Variants in SLC35D1 observed in about 807,000 individuals in gnomAD.
SLC35D1 encodes the protein nucleotide sugar transporter SLC35D1.
A neutral mutation model predicts 46.7 loss-of-function variants in SLC35D1; 31 were observed. The observed-to-expected ratio is 0.66, with a 90% CI of 0.50 to 0.90. SLC35D1 has a LOEUF of 0.90. SLC35D1 is among the 40% of genes least tolerant of loss of function. SLC35D1 has a pLI of 0.00. For missense variants in SLC35D1, 397 were observed against 426.2 expected, an observed-to-expected ratio of 0.93 and a Z score of 0.60; for synonymous variants, 195 against 164.6, an observed-to-expected ratio of 1.18 and a Z score of -1.41.
At chr1:67,027,417 G>T (rs1418189280) in intron 8 of SLC35D1, among the ~76,000 whole-genome samples, 3 of 151,678 alleles carry the variant, frequency 2.0e-5, no homozygotes, top group East Asian at 1.9e-4. Context: ...GTTTATTTTG[G>T]ATTTAATTTT....
the SLC35D1 span, chr1:66,987,682 CTG>C: frequency 1.5e-5 from 2 of 134,066 alleles, no homozygotes; most frequent in South Asian, 4.7e-4. Context: ...CTACATAATA[CTG>C]TGTGAATATT....
chr1:66,990,880 TCGAG>T, the SLC35D1 span, among the ~76,000 whole-genome samples: 1 of 151,714 alleles, frequency 6.6e-6, no homozygotes, highest in Non-Finnish European at 1.5e-5. Context: ...AAGGGGAGGG[TCGAG>T]TCTGTTTTCC....
chr1:66,994,568 C>T (rs983759253), downstream of SLC35D1, among the ~76,000 whole-genome samples: 2 of 151,640 alleles, frequency 1.3e-5, no homozygotes, highest in South Asian at 2.1e-4. Flanking sequence ...CACTTGAACT[C>T]GGGAGGCAGA....
chr1:66,986,559 A>G, the SLC35D1 span: 1 of 1,017,832 alleles, frequency 9.8e-7, no homozygotes, highest in Admixed American at 1.8e-5. Context: ...TTCAGGCCTT[A>G]CCCCCATGAA....
chr1:67,020,950 T>A (rs1423817929), intron 9 of SLC35D1, among the ~76,000 whole-genome samples: 1 of 152,240 alleles, frequency 6.6e-6, no homozygotes, highest in Non-Finnish European at 1.5e-5. Context: ...CTGAGGCTTC[T>A]CAGCTTAAGT....
At position 67,002,403 on chromosome 1, in the gene SLC35D1, G is replaced by T. The variant is rs560053614; in HGVS notation, c.*1937C>A. ...CTTACTCCCTCAGAGGGGAAGGGCG[G>T]TTAATTAAATGGCAGCATAGTTCAA... On this transcript the variant is annotated 3_prime_UTR_variant, in exon 12 of 12. Coordinates refer to ENST00000235345, the MANE Select transcript of SLC35D1 (RefSeq NM_015139.3). 1.3e-5 allele frequency: 2 copies of T among 152,424 alleles called. No individual in the cohort carries two copies. The highest frequency in any genetic ancestry group is 3.8e-4 in the East Asian group (2 of 5,322). 9.4% of individuals were successfully genotyped at this position (152,424 alleles called of 1,614,324 possible).
Position 67,041,463 on chromosome 1 carries a change from G to A in SLC35D1, c.729+773C>T, listed in dbSNP as rs542049410. 3.7e-4 allele frequency among the ~76,000 whole-genome samples: 56 copies of A among 152,164 alleles called. 2 individuals are homozygous for A. In the South Asian group the frequency reaches 0.011, roughly 31 times the overall value. On this transcript the variant is annotated intron_variant, in intron 8 of 11. Coordinates refer to ENST00000235345, the MANE Select transcript of SLC35D1 (RefSeq NM_015139.3). ...GCTCCCACAAACTTGTAAAAATCAC[G>A]GTCTTTAGAGTAAATGACCAACATA...
At chr1:66,984,737 A>G in the SLC35D1 span, 82 of 1,613,928 alleles carry the variant, frequency 5.1e-5, no homozygotes, top group Non-Finnish European at 6.4e-5. Flanking sequence ...AAACTTGCCC[A>G]TATGACTGCA....
At position 67,040,978 on chromosome 1, in the gene SLC35D1, A is replaced by T. The variant is rs1431630523; in HGVS notation, c.729+1258T>A. 2.6e-5 allele frequency among the ~76,000 whole-genome samples: 4 copies of T among 152,268 alleles called. No individual in the cohort carries two copies. The East Asian group carries it at 7.7e-4, about 29-fold the overall frequency. ...AGCCTTTGGAGTCAGGCTTGGGTTTAAATCTTGACTCCACTATTCCCCAAT... is the reference window on the plus strand; with the variant it reads ...AGCCTTTGGAGTCAGGCTTGGGTTTTAATCTTGACTCCACTATTCCCCAAT... On this transcript the variant is annotated intron_variant, in intron 8 of 11. Coordinates refer to ENST00000235345, the MANE Select transcript of SLC35D1 (RefSeq NM_015139.3).
the SLC35D1 span, chr1:66,986,499 G>C: frequency 6.7e-7 from 1 of 1,497,822 alleles, no homozygotes; most frequent in East Asian, 2.3e-5. Context: ...GTTTTTAATG[G>C]CTCAACTGTC....
chr1:67,041,696 A>G (rs1302148276), intron 8 of SLC35D1, among the ~76,000 whole-genome samples: 6 of 152,204 alleles, frequency 3.9e-5, no homozygotes, highest in African/African-American at 1.4e-4. Context: ...TTATTTAGCT[A>G]GACATTTGCA....
rs767050059 is a variant in SLC35D1 at position 67,021,720 on chromosome 1, CACAG to C, written c.730-122_730-119del. ...ACACAGACACAGACACAGACACAGA[CACAG>C]ACACACACACACACACACACACACA... On this transcript the variant is annotated intron_variant, in intron 8 of 11. Transcript: ENST00000235345. The C allele has an allele frequency of 6.1e-3, 2,786 of 457,892 alleles. 9 individuals are homozygous for C. The highest frequency in any genetic ancestry group is 0.05 in the African/African-American group (1,159 of 23,036). 28.4% of individuals were successfully genotyped at this position (457,892 alleles called of 1,614,324 possible).
the SLC35D1 span, chr1:66,984,877 G>A: frequency 6.3e-7 from 1 of 1,594,460 alleles, no homozygotes; most frequent in East Asian, 2.2e-5. Context: ...GAAATTTGAA[G>A]AACTTGAAAA....
the SLC35D1 span, chr1:66,986,487 T>G: frequency 6.4e-7 from 1 of 1,558,664 alleles, no homozygotes; most frequent in Non-Finnish European, 8.8e-7. Flanking sequence ...TTCTGTGGTC[T>G]TGTTTTTAAT....
At chr1:67,013,592 A>C (rs1200913574) in intron 10 of SLC35D1, among the ~76,000 whole-genome samples, 1 of 151,766 alleles carries the variant, frequency 6.6e-6, no homozygotes, top group African/African-American at 2.4e-5. Context: ...ATTTCTTCCT[A>C]CTCCTCCTTC....
At chr1:66,977,566 T>C in the SLC35D1 span, among the ~76,000 whole-genome samples, 2 of 152,238 alleles carry the variant, frequency 1.3e-5, no homozygotes, top group African/African-American at 4.8e-5. Flanking sequence ...ATCCATTCTT[T>C]ATGTAAAATG....
At chr1:67,042,402 CA>C (rs1332445859) in intron 7 of SLC35D1, 74 bp from the exon 8 acceptor site, 16 of 1,080,102 alleles carry the variant, frequency 1.5e-5, no homozygotes, top group East Asian at 5.2e-5. Context: ...AAATACCACT[CA>C]AACTACACAT....
chr1:66,977,248 T>G, the SLC35D1 span, among the ~76,000 whole-genome samples: 1 of 152,134 alleles, frequency 6.6e-6, no homozygotes, highest in Non-Finnish European at 1.5e-5. Context: ...TAGCTGGGAT[T>G]ACAGGTGCCT....
intron 11 of SLC35D1, among the ~76,000 whole-genome samples, chr1:67,007,149 A>G (rs544871207): frequency 1.3e-5 from 2 of 152,322 alleles, no homozygotes; most frequent in African/African-American, 2.4e-5. Context: ...GTAAGGTACT[A>G]TAATTATAAA....
Sources: allele counts gnomAD v4.1 joint callset (sites outside exome capture counted in the v4.1 genomes callset), GRCh38; gene constraint gnomAD v4.1.1; transcripts MANE v1.5; gene names NCBI Gene and HGNC (gene_info 2026-07-23, HGNC 2026-07-21).